The following FHIT variants were observed in gnomAD, a reference collection of about 807,000 sequenced individuals.
FHIT encodes the protein fragile histidine triad diadenosine triphosphatase.
In FHIT, 19 loss-of-function variants were observed where a neutral mutation model predicts 17.9. The observed-to-expected ratio is 1.06, with a 90% CI of 0.74 to 1.56. The LOEUF (loss-of-function observed/expected upper bound fraction) is 1.56. Ranked by LOEUF, FHIT falls within the 40% of genes most tolerant of loss-of-function variation. The probability of loss-of-function intolerance (pLI) is 0.00; values close to 1 mark genes in which losing one functional copy is unlikely to be tolerated. For synonymous variants in FHIT, 81 were observed against 69.7 expected (o/e 1.16, Z -0.81); for missense variants, 248 against 189.2 (o/e 1.31, Z -1.82).
At chr3:61,119,469 C>T (rs2036393390) in intron 2 of FHIT, among the ~76,000 whole-genome samples, 1 of 152,190 alleles carries the variant, frequency 6.6e-6, no homozygotes, top group African/African-American at 2.4e-5. Flanking sequence ...CCACATTAGT[C>T]TCCCAAAGTG....
In FHIT at chr3:60,429,542, A is replaced by T. The variant is rs572690065; in HGVS notation, c.103+107318T>A. ...GCCTTACCAGCTAGAGAACAAGCAA[A>T]CCCTGGCAAGAGCCTCCCCAGGCAG... On this transcript the variant is annotated intron_variant, in intron 5 of 9. Transcript: ENST00000492590. 1.7e-4 allele frequency among the ~76,000 whole-genome samples: 26 copies of T among 151,988 alleles called. No individual in the cohort carries two copies. The South Asian group carries it at 5.4e-3, about 32-fold the overall frequency.
At position 60,553,662 on chromosome 3, in the gene FHIT, C is replaced by T. The variant is rs115579778; in HGVS notation, c.-17-16683G>A. Among the ~76,000 whole-genome samples the T allele has an allele frequency of 8.1e-3, 1,225 of 151,148 alleles. 28 individuals carry two copies. The highest frequency in any genetic ancestry group is 0.028 in the African/African-American group (1,172 of 41,196). Reference sequence around the variant, plus strand: ...TGACCTTGAGTATTAAACATGGTATCATATTTACAAAAATGTATAACATTT... The same window carrying T: ...TGACCTTGAGTATTAAACATGGTATTATATTTACAAAAATGTATAACATTT... On this transcript the variant is annotated intron_variant, in intron 4 of 9. Coordinates refer to ENST00000492590, the MANE Select transcript of FHIT (RefSeq NM_002012.4).
chr3:60,106,546 C>T (rs1704422368), intron 5 of FHIT, among the ~76,000 whole-genome samples: 1 of 152,170 alleles, frequency 6.6e-6, no homozygotes, highest in Admixed American at 6.5e-5. Flanking sequence ...AGGTTCGGTA[C>T]CATCTGTGAT....
In FHIT at chr3:59,838,822, C is replaced by A. The variant is rs570105569; in HGVS notation, c.348+83524G>T. 4.6e-5 allele frequency among the ~76,000 whole-genome samples: 7 copies of A among 152,144 alleles called. 1 individual carries two copies. The highest frequency in any genetic ancestry group is 1.7e-4 in the African/African-American group (7 of 41,534). ...GTCTTCCTGTGTGTTTTTTGAGGAGCCCTAGATTTGGCAAAGGTGCCTTTG... is the reference window on the plus strand; with the variant it reads ...GTCTTCCTGTGTGTTTTTTGAGGAGACCTAGATTTGGCAAAGGTGCCTTTG... On this transcript the variant is annotated intron_variant, in intron 8 of 9. Transcript: ENST00000492590.
At chr3:60,694,822 C>A (rs1229871027) in intron 4 of FHIT, among the ~76,000 whole-genome samples, 1 of 152,020 alleles carries the variant, frequency 6.6e-6, no homozygotes, top group Non-Finnish European at 1.5e-5. Context: ...GGACAAAAAA[C>A]CAAACACCAC....
chr3:59,873,076 T>C (rs938818102), intron 8 of FHIT, among the ~76,000 whole-genome samples: 2 of 152,196 alleles, frequency 1.3e-5, no homozygotes, highest in Non-Finnish European at 1.5e-5. Context: ...CACAATTCCT[T>C]CCTTCCTTTC....
intron 8 of FHIT, among the ~76,000 whole-genome samples, chr3:59,877,549 A>G (rs1703218901): frequency 6.6e-6 from 1 of 152,230 alleles, no homozygotes; most frequent in South Asian, 2.1e-4. Context: ...AACAAGCCCT[A>G]TGGTTCTTCA....
intron 5 of FHIT, among the ~76,000 whole-genome samples, chr3:60,340,368 A>T (rs1045717739): frequency 6.6e-6 from 1 of 152,180 alleles, no homozygotes; most frequent in Non-Finnish European, 1.5e-5. Context: ...CTACAACCGA[A>T]TTAGAAGTAA....
At chr3:59,847,275 C>CT (rs957410330) in intron 8 of FHIT, among the ~76,000 whole-genome samples, 20 of 151,560 alleles carry the variant, frequency 1.3e-4, no homozygotes, top group African/African-American at 2.7e-4. Flanking sequence ...CTTTCTTCAA[C>CT]TTTTTTTTTC....
intron 4 of FHIT, among the ~76,000 whole-genome samples, chr3:60,713,983 A>G (rs1160319451): frequency 3.9e-5 from 6 of 151,978 alleles, no homozygotes; most frequent in Non-Finnish European, 8.8e-5. Flanking sequence ...ACAACCAAAA[A>G]AGAGAATTTT....
At chr3:59,930,175 A>G (rs1705896973) in intron 7 of FHIT, among the ~76,000 whole-genome samples, 1 of 152,118 alleles carries the variant, frequency 6.6e-6, no homozygotes, top group South Asian at 2.1e-4. Context: ...GCTCCTGGGG[A>G]GACATCAATA....
intron 4 of FHIT, chr3:60,732,683 G>GTTTTTTTT (rs1559679112): frequency 3.1e-5 from 6 of 193,150 alleles, no homozygotes; most frequent in Admixed American, 7.5e-5. Flanking sequence ...TGCAAAGACT[G>GTTTTTTTT]CTTTTTTTTT....
chr3:60,652,018 C>T (rs1205662384), intron 4 of FHIT, among the ~76,000 whole-genome samples: 2 of 152,154 alleles, frequency 1.3e-5, no homozygotes, highest in Non-Finnish European at 2.9e-5. Context: ...AGTCTGTTGG[C>T]TTCTGAACCA....
At chr3:59,865,202 T>C (rs650215) in intron 8 of FHIT, among the ~76,000 whole-genome samples, 83,256 of 152,186 alleles carry the variant, frequency 0.55, 24,162 homozygotes, top group African/African-American at 0.75. Flanking sequence ...CTTAAAAGCA[T>C]AAAAAATTAA....
At chr3:60,701,484 G>C (rs187785370) in intron 4 of FHIT, among the ~76,000 whole-genome samples, 74 of 152,234 alleles carry the variant, frequency 4.9e-4, no homozygotes, top group African/African-American at 1.3e-3. Context: ...GGTCGGAAAG[G>C]GGGGAGTGCT....
At chr3:60,069,842 T>A (rs1702688929) in intron 5 of FHIT, among the ~76,000 whole-genome samples, 1 of 152,164 alleles carries the variant, frequency 6.6e-6, no homozygotes, top group Admixed American at 6.5e-5. Flanking sequence ...CTTTCACACA[T>A]CTACGGTGTC....
intron 4 of FHIT, among the ~76,000 whole-genome samples, chr3:60,667,327 T>A (rs1161124242): frequency 6.6e-6 from 1 of 152,102 alleles, no homozygotes; most frequent in Non-Finnish European, 1.5e-5. Context: ...ATTGGGTGGA[T>A]TCCATTGTTT....
At chr3:59,920,114 A>C (rs1705330634) in intron 8 of FHIT, among the ~76,000 whole-genome samples, 1 of 152,226 alleles carries the variant, frequency 6.6e-6, no homozygotes, top group Non-Finnish European at 1.5e-5. Context: ...TGCTACTTAA[A>C]GAAAAATAGT....
intron 8 of FHIT, among the ~76,000 whole-genome samples, chr3:59,849,437 C>T (rs961961797): frequency 6.6e-6 from 1 of 152,096 alleles, no homozygotes; most frequent in Non-Finnish European, 1.5e-5. Flanking sequence ...ATAATGCATG[C>T]GATATGAGTT....
Sources: allele counts gnomAD v4.1 joint callset (sites outside exome capture counted in the v4.1 genomes callset), GRCh38; gene constraint gnomAD v4.1.1; transcripts MANE v1.5; gene names NCBI Gene and HGNC (gene_info 2026-07-23, HGNC 2026-07-21).